The following C1GALT1 variants were observed in gnomAD, a reference collection of about 807,000 sequenced individuals.
C1GALT1 encodes core 1 synthase, glycoprotein-N-acetylgalactosamine 3-beta-galactosyltransferase 1.
Under a neutral mutation model 31.0 loss-of-function variants are expected in C1GALT1, and 11 were observed. The ratio of observed to expected loss-of-function variants is 0.36; its 90% CI spans 0.22 to 0.59. C1GALT1 has a LOEUF of 0.59. C1GALT1 is among the 20% of genes least tolerant of loss of function. C1GALT1 has a pLI of 0.79. For synonymous variants in C1GALT1, 175 were observed against 143.6 expected, an observed-to-expected ratio of 1.22 and a Z score of -1.56; for missense variants, 424 against 425.2, an observed-to-expected ratio of 1.00 and a Z score of 0.03.
Position 7,244,846 on chromosome 7 carries a change from G to C in C1GALT1, c.*1119G>C, listed in dbSNP as rs1783780546. ...AATTAAAAACAATAGAAAATGTAGAGTGCTTAAACAAAAATGTTATATTTT... is the reference window on the plus strand; with the variant it reads ...AATTAAAAACAATAGAAAATGTAGACTGCTTAAACAAAAATGTTATATTTT... On this transcript the variant is annotated 3_prime_UTR_variant, in exon 4 of 4. Transcript: ENST00000436587. 6.6e-6 allele frequency: 1 copy of C among 152,132 alleles called. No homozygotes were observed. Among genetic ancestry groups the C allele is most frequent in the Admixed American group, 6.5e-5 (1 of 15,272 alleles). The allele number at this position is 152,132 out of a possible 1,614,324, so 9.4% of individuals were successfully genotyped here.
At chr7:7,179,702 A>C (rs1780548203), upstream of C1GALT1, among the ~76,000 whole-genome samples, 1 of 152,164 alleles carries the variant, frequency 6.6e-6, no homozygotes. Flanking sequence ...ACAAATCCAG[A>C]AGTGGATAGT....
chr7:7,209,827 A>G (rs1023748984), intron 1 of C1GALT1, among the ~76,000 whole-genome samples: 4 of 152,156 alleles, frequency 2.6e-5, no homozygotes, highest in Admixed American at 2.6e-4. Context: ...GTGCGAAAGG[A>G]GAGTCAGCGA....
In C1GALT1 at chr7:7,243,669, A is replaced by G; in HGVS notation, c.1034A>G (p.Lys345Arg). The G allele has an allele frequency of 6.2e-7, 1 of 1,606,214 alleles. No individual in the cohort carries two copies. The highest frequency in any genetic ancestry group is 8.5e-7 in the Non-Finnish European group (1 of 1,177,916). ...YQPTLPERIL[K>R]EISQANKNED... Reference sequence around the variant, plus strand: ...CCTACCTTACCTGAACGTATACTAAAGGAAATTAGTCAAGCAAACAAAAAT... The same window carrying G: ...CCTACCTTACCTGAACGTATACTAAGGGAAATTAGTCAAGCAAACAAAAAT... Residue 345 changes from lysine to arginine, a missense_variant, in exon 4 of 4, where the codon AAG becomes AGG. Lys to Arg is a conservative substitution (Grantham distance 26). This residue lies in a region of C1GALT1 where 191 missense variants were observed against 188.8 expected (regional missense o/e 1.01). Coordinates refer to ENST00000436587, the MANE Select transcript of C1GALT1 (RefSeq NM_020156.5).
upstream of C1GALT1, among the ~76,000 whole-genome samples, chr7:7,181,713 G>C (rs967754690): frequency 3.9e-5 from 6 of 152,166 alleles, no homozygotes; most frequent in Non-Finnish European, 8.8e-5. Flanking sequence ...CCATGCTGTA[G>C]AGTACTAAAG....
chr7:7,204,808 G>T (rs1166727848), intron 1 of C1GALT1, among the ~76,000 whole-genome samples: 1 of 152,052 alleles, frequency 6.6e-6, no homozygotes, highest in Admixed American at 6.6e-5. Flanking sequence ...CGCCCCATTG[G>T]TTGTTTGATT....
intron 1 of C1GALT1, among the ~76,000 whole-genome samples, chr7:7,207,518 C>A (rs1781803082): frequency 6.6e-6 from 1 of 151,578 alleles, no homozygotes; most frequent in Non-Finnish European, 1.5e-5. Context: ...TTTGTTCATA[C>A]ATCATTTTCT....
In C1GALT1 at chr7:7,182,710, G is replaced by C. The variant is rs1301431405; in HGVS notation, c.-128G>C. On this transcript the variant is annotated 5_prime_UTR_variant, in exon 1 of 4. Transcript: ENST00000436587. ...GGGCGGCAGCGGGCGGCCTCGGCTAGCGGCCACGAGCCACTTCTGCGGCTG... is the reference window on the plus strand; with the variant it reads ...GGGCGGCAGCGGGCGGCCTCGGCTACCGGCCACGAGCCACTTCTGCGGCTG... The C allele has an allele frequency of 1.3e-6, 1 of 766,236 alleles. No individual in the cohort carries two copies. The highest frequency in any genetic ancestry group is 1.6e-6 in the Non-Finnish European group (1 of 629,736). The allele number at this position is 766,236 out of a possible 1,614,324, so 47.5% of individuals were successfully genotyped here. A position where few individuals can be genotyped will look rare whatever the true frequency, so the allele number is the denominator to read the frequency against.
At chr7:7,235,500 A>G (rs1408228735) in intron 2 of C1GALT1, among the ~76,000 whole-genome samples, 1 of 152,210 alleles carries the variant, frequency 6.6e-6, no homozygotes. Flanking sequence ...CTGTGTTCCT[A>G]CAGAACAGTT....
intron 2 of C1GALT1, among the ~76,000 whole-genome samples, chr7:7,172,352 T>C (rs1471466706): frequency 2.6e-5 from 4 of 152,172 alleles, no homozygotes; most frequent in Non-Finnish European, 5.9e-5. Flanking sequence ...ATGAGTTACT[T>C]TTTTCTTGTT....
upstream of C1GALT1, among the ~76,000 whole-genome samples, chr7:7,181,652 C>G (rs1780590685): frequency 6.6e-6 from 1 of 152,122 alleles, no homozygotes; most frequent in Non-Finnish European, 1.5e-5. Flanking sequence ...GGTGGAGGGA[C>G]CAAGATGCCA....
At chr7:7,182,850 C>G (rs969273123) in intron 1 of C1GALT1, 30 bp downstream of exon 1, 1 of 985,452 alleles carries the variant, frequency 1.0e-6, no homozygotes, top group East Asian at 1.1e-4. Flanking sequence ...CCTCAGGCTA[C>G]GGGTCCAAGG....
At chr7:7,197,315 T>C in intron 1 of C1GALT1, among the ~76,000 whole-genome samples, 1 of 152,252 alleles carries the variant, frequency 6.6e-6, no homozygotes, top group East Asian at 1.9e-4. Context: ...TCCCCATTGC[T>C]TGTTTTTGTC....
At chr7:7,186,198 C>T (rs184625104) in intron 1 of C1GALT1, among the ~76,000 whole-genome samples, 116 of 152,194 alleles carry the variant, frequency 7.6e-4, no homozygotes, top group African/African-American at 2.7e-3. Flanking sequence ...CCCATGATAA[C>T]CCATTCATGA....
intron 1 of C1GALT1, among the ~76,000 whole-genome samples, chr7:7,201,806 C>G (rs1028831136): frequency 3.9e-5 from 6 of 152,312 alleles, no homozygotes; most frequent in East Asian, 1.9e-4. Context: ...CCCTACCTGC[C>G]GTGGTTTCTT....
chr7:7,226,998 AATAG>A (rs1448486958), intron 1 of C1GALT1, among the ~76,000 whole-genome samples: 1 of 152,216 alleles, frequency 6.6e-6, no homozygotes, highest in Non-Finnish European at 1.5e-5. Flanking sequence ...GCAAGAAATC[AATAG>A]ATAGTGCCTA....
At chr7:7,200,704 C>A (rs537192658) in intron 1 of C1GALT1, among the ~76,000 whole-genome samples, 1 of 152,136 alleles carries the variant, frequency 6.6e-6, no homozygotes, top group Non-Finnish European at 1.5e-5. Flanking sequence ...TCTTTTTACT[C>A]TTCTTTCTCT....
chr7:7,234,329 A>C lies in C1GALT1; in HGVS notation c.10A>C (p.Lys4Gln). 6.2e-7 allele frequency: 1 copy of C among 1,613,582 alleles called. No homozygotes were observed. Among genetic ancestry groups the C allele is most frequent in the Non-Finnish European group, 8.5e-7 (1 of 1,179,736 alleles). ...AATACACTTTCGGGAAATGGCCTCT[A>C]AATCCTGGCTGAATTTTTTAACCTT... MAS[K>Q]SWLNFLTFLC... Residue 4 changes from lysine (K) to glutamine (Q), a missense_variant, in exon 2 of 4, where the codon AAA (lysine) becomes CAA (glutamine). By Grantham distance (53) the Lys-to-Gln change is moderately conservative. Coordinates refer to ENST00000436587, the MANE Select transcript of C1GALT1 (RefSeq NM_020156.5).
chr7:7,197,006 G>C (rs1246900318), intron 1 of C1GALT1, among the ~76,000 whole-genome samples: 1 of 152,186 alleles, frequency 6.6e-6, no homozygotes, highest in African/African-American at 2.4e-5. Context: ...CGTTCACTCT[G>C]ATGGTAGTTT....
At chr7:7,239,082 G>A in intron 3 of C1GALT1, 160 bp downstream of exon 3, 1 of 621,080 alleles carries the variant, frequency 1.6e-6, no homozygotes, top group African/African-American at 1.8e-5. Flanking sequence ...ATGAGAACAG[G>A]GACATCAGCA....
Sources: allele counts gnomAD v4.1 joint callset (sites outside exome capture counted in the v4.1 genomes callset), GRCh38; gene constraint gnomAD v4.1.1; regional missense constraint gnomAD v4.1.1; transcripts MANE v1.5; gene names NCBI Gene and HGNC (gene_info 2026-07-23, HGNC 2026-07-21).